Variants in PDCD1LG2 observed in about 807,000 individuals in gnomAD.
PDCD1LG2 encodes B7 dendritic cell molecule.
Under a neutral mutation model 28.2 loss-of-function variants are expected in PDCD1LG2, and 32 were observed. The ratio of observed to expected loss-of-function variants is 1.13; its 90% CI spans 0.86 to 1.52. PDCD1LG2 has a LOEUF of 1.52. Ranked by LOEUF, PDCD1LG2 falls within the 40% of genes most tolerant of loss-of-function variation. The probability of loss-of-function intolerance (pLI) is 0.00; values close to 1 mark genes in which losing one functional copy is unlikely to be tolerated. For synonymous variants in PDCD1LG2, 116 were observed against 120.2 expected (o/e 0.97, Z 0.23); for missense variants, 385 against 323.8 (o/e 1.19, Z -1.45).
intron 6 of PDCD1LG2, among the ~76,000 whole-genome samples, chr9:5,565,385 T>C (rs1301802866): frequency 6.6e-6 from 1 of 152,176 alleles, no homozygotes; most frequent in Non-Finnish European, 1.5e-5. Flanking sequence ...GGTCTCACTA[T>C]GTTGCCCAGG....
chr9:5,543,538 C>CAAAAAAAAAAAAAAAAAAAAAA lies in PDCD1LG2; in HGVS notation c.362-5796_362-5775dup. Among the ~76,000 whole-genome samples the CAAAAAAAAAAAAAAAAAAAAAA allele has an allele frequency of 2.7e-5, 2 of 73,690 alleles. 1 individual carries two copies. The highest frequency in any genetic ancestry group is 9.6e-5 in the African/African-American group (2 of 20,910). 48.3% of individuals were successfully genotyped at this position (73,690 alleles called of 152,430 possible). On this transcript the variant is annotated intron_variant, in intron 3 of 6. Transcript: ENST00000397747. The stretch of plus-strand genomic sequence containing the variant: ...TGGGCGACAGAGCGAGACTCCGTCT[C>CAAAAAAAAAAAAAAAAAAAAAA]AAAAAAAAAAAAAAAAAAAAAATGG...
intron 3 of PDCD1LG2, among the ~76,000 whole-genome samples, chr9:5,545,312 T>A (rs1316093176): frequency 1.3e-5 from 2 of 152,256 alleles, no homozygotes; most frequent in African/African-American, 4.8e-5. Flanking sequence ...GCTTACCATA[T>A]GTTGTGTTAC....
At chr9:5,541,768 A>G (rs1373005834) in intron 3 of PDCD1LG2, among the ~76,000 whole-genome samples, 2 of 151,992 alleles carry the variant, frequency 1.3e-5, no homozygotes, top group African/African-American at 4.8e-5. Context: ...GCAATCTACA[A>G]AGTCAATGCA....
chr9:5,547,863 G>A lies in PDCD1LG2; in HGVS notation c.362-1472G>A, dbSNP rs556620609. ...TGAGGCAGGAGAATTGCTTGAACCT[G>A]GGAGGTGGAGGTTGCAGTGAGCCGA... On this transcript the variant is annotated intron_variant, in intron 3 of 6. Transcript: ENST00000397747. Among the ~76,000 whole-genome samples the A allele has an allele frequency of 3.5e-4, 53 of 151,526 alleles. 1 individual carries two copies. Among genetic ancestry groups the A allele is most frequent in the Non-Finnish European group, 7.4e-4 (50 of 67,892 alleles).
At chr9:5,538,600 A>G (rs1226513121) in intron 3 of PDCD1LG2, among the ~76,000 whole-genome samples, 4 of 152,052 alleles carry the variant, frequency 2.6e-5, no homozygotes, top group Non-Finnish European at 5.9e-5. Flanking sequence ...AGGCAGGAGA[A>G]TGGCGTTAAG....
rs1051686698 is a variant in PDCD1LG2, at chr9:5,563,178, T to A, written c.783T>A (p.Pro261=). 1 of 1,612,296 alleles carries A rather than the reference T, an allele frequency of 6.2e-7. No homozygotes were observed. Among genetic ancestry groups the A allele is most frequent in the Non-Finnish European group, 8.5e-7 (1 of 1,178,632 alleles). The part of the protein sequence containing the change: ...LYSSKDTTKR[P]VTTTKREVNS... ...CCTTTTCAGACACAACAAAAAGACC[T>A]GTCACCACAACAAAGAGGGAAGTGA... The change falls in exon 6 of 7, where the codon CCT becomes CCA. Residue 261 remains proline (P), a synonymous_variant. Transcript: ENST00000397747.
intron 2 of PDCD1LG2, among the ~76,000 whole-genome samples, chr9:5,529,266 TAC>T (rs1276592607): frequency 6.6e-6 from 1 of 152,252 alleles, no homozygotes. Flanking sequence ...TATTTTCTTC[TAC>T]ACATTTTGTA....
intron 1 of PDCD1LG2, among the ~76,000 whole-genome samples, chr9:5,511,156 G>C (rs998456861): frequency 1.3e-5 from 2 of 152,194 alleles, no homozygotes; most frequent in Admixed American, 6.5e-5. Flanking sequence ...TCCTATGACT[G>C]ACATCTGTTT....
Position 5,531,140 on chromosome 9 carries a change from T to G in PDCD1LG2, c.56-3605T>G, listed in dbSNP as rs1053573047. On this transcript the variant is annotated intron_variant, in intron 2 of 6. Transcript: ENST00000397747. ...AAAGTAGTGCCTGGGCATTAGTGTG[T>G]TTTAAAAGCCTCCCAGGTGATTCCA... 2.0e-5 allele frequency among the ~76,000 whole-genome samples: 3 copies of G among 152,206 alleles called. No homozygotes were observed. The East Asian group carries it at 5.8e-4, about 29-fold the overall frequency.
At chr9:5,547,792 G>T (rs1039642536) in intron 3 of PDCD1LG2, among the ~76,000 whole-genome samples, 2 of 152,116 alleles carry the variant, frequency 1.3e-5, no homozygotes, top group Admixed American at 1.3e-4. Flanking sequence ...GAAAAAATTA[G>T]CCAGGCATGG....
At chr9:5,511,251 G>C (rs1820051391) in intron 1 of PDCD1LG2, among the ~76,000 whole-genome samples, 1 of 152,014 alleles carries the variant, frequency 6.6e-6, no homozygotes, top group Non-Finnish European at 1.5e-5. Context: ...TTGGTGGAGG[G>C]GGAACAAAAA....
At chr9:5,529,193 A>G (rs1471183637) in intron 2 of PDCD1LG2, among the ~76,000 whole-genome samples, 1 of 152,224 alleles carries the variant, frequency 6.6e-6, no homozygotes, top group Non-Finnish European at 1.5e-5. Context: ...TTTATGGATC[A>G]TGCTTTTGGT....
chr9:5,549,160 T>TCAATATATG (rs1293811440), intron 3 of PDCD1LG2, among the ~76,000 whole-genome samples, 175 bp from the exon 4 acceptor site: 1 of 152,180 alleles, frequency 6.6e-6, no homozygotes, highest in African/African-American at 2.4e-5. Context: ...ATTAAATAAT[T>TCAATATATG]CAATATATGT....
chr9:5,516,940 G>T (rs892805306), intron 1 of PDCD1LG2, among the ~76,000 whole-genome samples: 1 of 152,206 alleles, frequency 6.6e-6, no homozygotes, highest in Non-Finnish European at 1.5e-5. Flanking sequence ...AGCTACAGGG[G>T]TGCCTGGGAG....
chr9:5,544,876 C>T (rs573736515), intron 3 of PDCD1LG2, among the ~76,000 whole-genome samples: 2 of 152,228 alleles, frequency 1.3e-5, no homozygotes, highest in East Asian at 3.9e-4. Context: ...ACATTAAAAC[C>T]CTGGATATTT....
chr9:5,570,778 G>A lies in PDCD1LG2; in HGVS notation c.*819G>A, dbSNP rs1398370580. 1 of 232,290 alleles carries A rather than the reference G, an allele frequency of 4.3e-6. No homozygotes were observed. The highest frequency in any genetic ancestry group is 6.1e-5 in the East Asian group (1 of 16,444). The allele number at this position is 232,290 out of a possible 1,614,324, so 14.4% of individuals were successfully genotyped here. A position where few individuals can be genotyped will look rare whatever the true frequency, so the allele number is the denominator to read the frequency against. Reference sequence around the variant, plus strand: ...TTGTATCTGCAGCAATTTCAGATAAGTAGCTAAAATGGCCAAAGCCCCAAA... The same window carrying A: ...TTGTATCTGCAGCAATTTCAGATAAATAGCTAAAATGGCCAAAGCCCCAAA... On this transcript the variant is annotated 3_prime_UTR_variant, in exon 7 of 7. Transcript: ENST00000397747.
At chr9:5,528,197 A>T (rs1820414745) in intron 2 of PDCD1LG2, among the ~76,000 whole-genome samples, 3 of 148,934 alleles carry the variant, frequency 2.0e-5, no homozygotes, top group South Asian at 2.1e-4. Context: ...ATGACTAATG[A>T]TATTAAGTAT....
At chr9:5,529,620 T>C (rs750274264) in intron 2 of PDCD1LG2, among the ~76,000 whole-genome samples, 1 of 152,188 alleles carries the variant, frequency 6.6e-6, no homozygotes, top group Non-Finnish European at 1.5e-5. Flanking sequence ...TGTCATGTCT[T>C]AGAGGAAAGA....
chr9:5,554,175 T>G (rs1816391782), intron 4 of PDCD1LG2, among the ~76,000 whole-genome samples: 1 of 152,236 alleles, frequency 6.6e-6, no homozygotes, highest in Non-Finnish European at 1.5e-5. Context: ...CACACAAGTC[T>G]TCTTTATTCC....
Sources: gnomAD v4.1 joint callset for allele counts (sites outside exome capture counted in the v4.1 genomes callset) on GRCh38, gnomAD v4.1.1 for gene constraint, MANE v1.5 for transcripts, NCBI Gene and HGNC (gene_info 2026-07-23, HGNC 2026-07-21) for gene names.